Variants in SNTA1 observed in about 807,000 individuals in gnomAD.
SNTA1 encodes the protein alpha-1-syntrophin.
SNTA1 carries 31 observed loss-of-function variants against 47.1 expected under a neutral mutation model. The observed-to-expected ratio is 0.66, with a 90% CI of 0.49 to 0.89. The LOEUF (loss-of-function observed/expected upper bound fraction) is 0.89. Among genes scored for constraint, SNTA1 ranks in the 40% least tolerant of loss-of-function variants. The pLI is 0.00. For missense variants in SNTA1, 575 were observed against 693.0 expected, an observed-to-expected ratio of 0.83 and a Z score of 1.91; for synonymous variants, 300 against 313.6, an observed-to-expected ratio of 0.96 and a Z score of 0.46.
intron 2 of SNTA1, among the ~76,000 whole-genome samples, chr20:33,418,729 G>A (rs1311377761): frequency 1.4e-5 from 2 of 144,860 alleles, no homozygotes; most frequent in African/African-American, 5.3e-5. Flanking sequence ...GGAGGAGGAG[G>A]TTGCAGTGAG....
rs2146762263 is a variant in SNTA1 at position 33,412,438 on chromosome 20, A to G, written c.910-12T>C. On this transcript the variant is annotated splice_polypyrimidine_tract_variant and intron_variant, in intron 4 of 7. Coordinates refer to ENST00000217381, the MANE Select transcript of SNTA1 (RefSeq NM_003098.3). ...CCCCCACTGGGCAGCTGCAGAGAAC[A>G]AAACAGCAGTGAGGATGGGTGGGGG... The G allele has an allele frequency of 6.2e-7, 1 of 1,610,790 alleles. No individual in the cohort carries two copies. Among genetic ancestry groups the G allele is most frequent in the East Asian group, 2.2e-5 (1 of 44,822 alleles).
At chr20:33,442,173 T>C (rs1990593348) in intron 1 of SNTA1, among the ~76,000 whole-genome samples, 1 of 152,176 alleles carries the variant, frequency 6.6e-6, no homozygotes, top group South Asian at 2.1e-4. Flanking sequence ...CAGGATGAAG[T>C]GGATCATGAG....
At chr20:33,415,836 C>T (rs1031630142) in intron 3 of SNTA1, among the ~76,000 whole-genome samples, 2 of 151,362 alleles carry the variant, frequency 1.3e-5, no homozygotes, top group East Asian at 1.9e-4. Context: ...AAAATACAGG[C>T]GATGGCTCAT....
At chr20:33,428,472 C>A (rs1206339844) in intron 2 of SNTA1, among the ~76,000 whole-genome samples, 2 of 151,794 alleles carry the variant, frequency 1.3e-5, no homozygotes, top group Non-Finnish European at 2.9e-5. Context: ...ATGTTCTCAA[C>A]TTATTACGTG....
At chr20:33,442,487 C>T (rs2146813173) in intron 1 of SNTA1, among the ~76,000 whole-genome samples, 1 of 152,240 alleles carries the variant, frequency 6.6e-6, no homozygotes, top group South Asian at 2.1e-4. Flanking sequence ...CTCCATTTTT[C>T]CTCTCCGCTA....
chr20:33,443,550 C>G lies in SNTA1; in HGVS notation c.71G>C (p.Gly24Ala). The G allele has an allele frequency of 7.5e-7, 1 of 1,337,768 alleles. No individual in the cohort carries two copies. Among genetic ancestry groups the G allele is most frequent in the Non-Finnish European group, 9.6e-7 (1 of 1,037,048 alleles). 82.9% of individuals were successfully genotyped at this position (1,337,768 alleles called of 1,614,324 possible). A position where few individuals can be genotyped will look rare whatever the true frequency, so the allele number is the denominator to read the frequency against. ...CAGCACCCGCTGCCATCGCTCGCCGCCGGCCCCCGAGCCCGCCCCGGCGCG... is the reference window on the plus strand; with the variant it reads ...CAGCACCCGCTGCCATCGCTCGCCGGCGGCCCCCGAGCCCGCCCCGGCGCG... ...ELRAGAGSGAGGERWQRVLLS... is the reference protein window; with the variant it reads ...ELRAGAGSGAAGERWQRVLLS... The change falls in exon 1 of 8, where the codon GGC becomes GCC. Residue 24 changes from glycine to alanine, a missense_variant. Physicochemically the swap from Gly to Ala is moderately conservative, Grantham distance 60 (BLOSUM62 0). Coordinates refer to ENST00000217381, the MANE Select transcript of SNTA1 (RefSeq NM_003098.3).
At chr20:33,425,850 T>A (rs1990156095) in intron 2 of SNTA1, among the ~76,000 whole-genome samples, 1 of 152,012 alleles carries the variant, frequency 6.6e-6, no homozygotes. Context: ...GGCGGGCAGA[T>A]CAACTGAGGT....
chr20:33,434,445 A>T (rs291680), intron 2 of SNTA1, among the ~76,000 whole-genome samples: 29 of 151,908 alleles, frequency 1.9e-4, no homozygotes, highest in Non-Finnish European at 3.8e-4. Flanking sequence ...AAAAACATGA[A>T]GGCCACATTC....
At chr20:33,439,746 A>G (rs1222931454) in intron 1 of SNTA1, among the ~76,000 whole-genome samples, 1 of 152,240 alleles carries the variant, frequency 6.6e-6, no homozygotes, top group Non-Finnish European at 1.5e-5. Context: ...ACACTTTGGG[A>G]GGCCAAGGTG....
rs527707277 is a variant in SNTA1 at position 33,436,628 on chromosome 20, G to C, written c.496+2213C>G. Among the ~76,000 whole-genome samples the C allele has an allele frequency of 1.1e-4, 17 of 152,142 alleles. No homozygotes were observed. In the South Asian group the frequency reaches 3.5e-3, roughly 32 times the overall value. ...AGGTGGGAGGATCCCTTAAGCCCAG[G>C]AGTTGGAGACCAGCCCAGGCAACAT... On this transcript the variant is annotated intron_variant, in intron 2 of 7. Transcript: ENST00000217381.
chr20:33,422,335 A>G (rs1990052481), intron 2 of SNTA1, among the ~76,000 whole-genome samples: 1 of 151,630 alleles, frequency 6.6e-6, no homozygotes, highest in Admixed American at 6.6e-5. Context: ...GCTACTCAGG[A>G]GGCTGAGGCA....
intron 1 of SNTA1, 137 bp downstream of exon 1, chr20:33,443,174 G>A: frequency 1.8e-6 from 1 of 564,472 alleles, no homozygotes; most frequent in East Asian, 3.8e-5. Flanking sequence ...AGTGCCCTCC[G>A]TTACCTGTTT....
intron 2 of SNTA1, among the ~76,000 whole-genome samples, chr20:33,421,634 AAAAATAAT>A (rs1283421154): frequency 6.7e-6 from 1 of 150,342 alleles, no homozygotes; most frequent in Non-Finnish European, 1.5e-5. Flanking sequence ...AATAAAAATA[AAAAATAAT>A]AAAATAATAA....
intron 2 of SNTA1, among the ~76,000 whole-genome samples, chr20:33,431,697 C>T (rs535569558): frequency 1.3e-5 from 2 of 152,034 alleles, no homozygotes; most frequent in South Asian, 2.1e-4. Context: ...TGCAGTGAGC[C>T]GAGATCGTGC....
At chr20:33,422,312 A>C (rs1001024161) in intron 2 of SNTA1, among the ~76,000 whole-genome samples, 1 of 150,518 alleles carries the variant, frequency 6.6e-6, no homozygotes, top group African/African-American at 2.4e-5. Context: ...GGTGGCGTGC[A>C]CCTATAGTCC....
chr20:33,417,839 G>A lies in SNTA1; in HGVS notation c.581C>T (p.Pro194Leu). 6.2e-7 allele frequency: 1 copy of A among 1,613,862 alleles called. No homozygotes were observed. The highest frequency in any genetic ancestry group is 8.5e-7 in the Non-Finnish European group (1 of 1,179,798). Residue 194 changes from proline to leucine, a missense_variant, in exon 3 of 8, where the codon CCC (proline) becomes CTC (leucine). Pro to Leu is a moderately conservative substitution (Grantham distance 98). Transcript: ENST00000217381. ...SVGWDSPPAS[P>L]LQRQPSSPGP... is the part of the protein sequence containing the mutation. ...AGGGGAGGAAGGCTGCCGCTGAAGG[G>A]GTGAGGCAGGAGGTGAGTCCCAGCC...
chr20:33,425,370 G>A (rs1229251491), intron 2 of SNTA1, among the ~76,000 whole-genome samples: 1 of 151,916 alleles, frequency 6.6e-6, no homozygotes, highest in Non-Finnish European at 1.5e-5. Context: ...CATTGAAAGT[G>A]GGTCTGGGGC....
intron 2 of SNTA1, 31 bp downstream of exon 2, chr20:33,438,810 C>T: frequency 6.3e-7 from 1 of 1,591,952 alleles, no homozygotes; most frequent in South Asian, 1.1e-5. Flanking sequence ...CTCCACCCAG[C>T]CCCTCTGAAC....
chr20:33,434,056 C>T (rs914672361), intron 2 of SNTA1, among the ~76,000 whole-genome samples: 7 of 152,116 alleles, frequency 4.6e-5, no homozygotes. Context: ...AAGGACAGGC[C>T]ATCCTTCCAT....
Sources: gnomAD v4.1 joint callset for allele counts (sites outside exome capture counted in the v4.1 genomes callset) on GRCh38, gnomAD v4.1.1 for gene constraint, MANE v1.5 for transcripts, NCBI Gene and HGNC (gene_info 2026-07-23, HGNC 2026-07-21) for gene names.